Variants in SUPT3H observed in about 807,000 individuals in gnomAD.
SUPT3H encodes the protein SPT3 homolog, SAGA and STAGA complex component, also known as transcription initiation protein SPT3 homolog.
In SUPT3H, 44 loss-of-function variants were observed where a neutral mutation model predicts 44.3. The observed-to-expected ratio is 0.99, with a 90% CI of 0.78 to 1.28. The LOEUF (loss-of-function observed/expected upper bound fraction) is 1.28. SUPT3H is among the 50% of genes most tolerant of loss of function. The pLI is 0.00. For missense variants in SUPT3H, 380 were observed against 387.1 expected (o/e 0.98, Z 0.15); for synonymous variants, 124 against 125.6 (o/e 0.99, Z 0.09).
rs138876338 is a variant in SUPT3H, at chr6:45,225,976, A to C, written c.102-119970T>G. The stretch of plus-strand genomic sequence containing the variant: ...TGACAAAGAGGGCATAAATTTGTTA[A>C]GGAGAAAAAAAATTAACCTAAACAC... On this transcript the variant is annotated intron_variant, in intron 2 of 10. Coordinates refer to ENST00000371459, the MANE Select transcript of SUPT3H (RefSeq NM_003599.4). Among the ~76,000 whole-genome samples the C allele has an allele frequency of 5.6e-3, 848 of 152,316 alleles. 5 individuals carry two copies. The highest frequency in any genetic ancestry group is 8.5e-3 in the Non-Finnish European group (577 of 68,024).
intron 2 of SUPT3H, among the ~76,000 whole-genome samples, chr6:45,179,550 C>T (rs903531732): frequency 2.6e-5 from 4 of 152,154 alleles, no homozygotes; most frequent in Admixed American, 6.5e-5. Flanking sequence ...GGGCTTCATC[C>T]CTGGGATGCA....
chr6:45,035,676 A>G (rs1481201687), intron 3 of SUPT3H, among the ~76,000 whole-genome samples: 1 of 152,040 alleles, frequency 6.6e-6, no homozygotes, highest in African/African-American at 2.4e-5. Context: ...ATTATCCAAA[A>G]CCGTATTTAT....
At position 45,127,589 on chromosome 6, in the gene SUPT3H, A is replaced by C. The variant is rs554122741; in HGVS notation, c.102-21583T>G. On this transcript the variant is annotated intron_variant, in intron 2 of 10. Transcript: ENST00000371459. ...AAATCCAGAGTTAGCATTCTCAAAC[A>C]CACACTCATAATTTATGTTTTTTTC... Among the ~76,000 whole-genome samples, 234 of 152,242 alleles carry C rather than the reference A, an allele frequency of 1.5e-3. 3 individuals are homozygous for C. The highest frequency in any genetic ancestry group is 5.5e-3 in the African/African-American group (228 of 41,554).
intron 2 of SUPT3H, among the ~76,000 whole-genome samples, chr6:45,352,400 T>C (rs1334396362): frequency 1.3e-5 from 2 of 152,008 alleles, no homozygotes; most frequent in East Asian, 3.8e-4. Flanking sequence ...TAGATACAAA[T>C]CTAATAAATT....
intron 2 of SUPT3H, among the ~76,000 whole-genome samples, chr6:45,217,267 G>A (rs1385765499): frequency 6.6e-6 from 1 of 151,676 alleles, no homozygotes; most frequent in Admixed American, 6.6e-5. Flanking sequence ...ACAAGGTCAG[G>A]AGTCCAAGAC....
intron 2 of SUPT3H, among the ~76,000 whole-genome samples, chr6:45,195,011 T>G (rs964338074): frequency 6.6e-6 from 1 of 152,164 alleles, no homozygotes; most frequent in Non-Finnish European, 1.5e-5. Flanking sequence ...AATCTGTGAA[T>G]CTAATTCTTG....
intron 6 of SUPT3H, among the ~76,000 whole-genome samples, chr6:44,968,503 CT>C (rs1777098663): frequency 6.6e-6 from 1 of 152,064 alleles, no homozygotes; most frequent in African/African-American, 2.4e-5. Context: ...AGTGCTCATT[CT>C]GCTTGCTGGG....
intron 2 of SUPT3H, among the ~76,000 whole-genome samples, chr6:45,218,230 G>C (rs947311196): frequency 6.6e-6 from 1 of 152,070 alleles, no homozygotes; most frequent in Non-Finnish European, 1.5e-5. Context: ...GTGAATTTCA[G>C]AGCAAAGAAA....
chr6:45,141,621 G>T (rs1003873696), intron 2 of SUPT3H, among the ~76,000 whole-genome samples: 5 of 146,104 alleles, frequency 3.4e-5, no homozygotes, highest in African/African-American at 1.0e-4. Context: ...AGAGCATGAA[G>T]ACAAGGCTTT....
chr6:45,345,397 C>T (rs1353017619), intron 2 of SUPT3H, among the ~76,000 whole-genome samples: 1 of 152,086 alleles, frequency 6.6e-6, no homozygotes, highest in Non-Finnish European at 1.5e-5. Flanking sequence ...TATCTCTATT[C>T]CTTTCAGGCT....
At chr6:45,336,599 A>C (rs1436233040) in intron 2 of SUPT3H, among the ~76,000 whole-genome samples, 1 of 151,482 alleles carries the variant, frequency 6.6e-6, no homozygotes, top group Non-Finnish European at 1.5e-5. Context: ...TAAATGGTTA[A>C]ACCACTCTAT....
chr6:45,006,619 T>A (rs1303884683), intron 5 of SUPT3H, among the ~76,000 whole-genome samples: 1 of 152,104 alleles, frequency 6.6e-6, no homozygotes. Context: ...ATTTTCCCAA[T>A]CAAGTAACTT....
intron 2 of SUPT3H, among the ~76,000 whole-genome samples, chr6:45,124,792 T>C (rs1396479711): frequency 6.6e-6 from 1 of 152,092 alleles, no homozygotes; most frequent in African/African-American, 2.4e-5. Flanking sequence ...TCCTAACCCC[T>C]AGTACCTCAG....
At chr6:45,019,149 T>C (rs2153516818) in intron 4 of SUPT3H, among the ~76,000 whole-genome samples, 1 of 152,290 alleles carries the variant, frequency 6.6e-6, no homozygotes, top group South Asian at 2.1e-4. Flanking sequence ...GTGTTTGTAG[T>C]ATTCTCTGAT....
intron 2 of SUPT3H, among the ~76,000 whole-genome samples, chr6:45,351,309 C>G (rs1232513481): frequency 6.6e-6 from 1 of 152,042 alleles, no homozygotes; most frequent in Admixed American, 6.5e-5. Flanking sequence ...CCATCAAGAT[C>G]ACAACTTCCT....
chr6:45,125,330 A>G (rs1802274826), intron 2 of SUPT3H, among the ~76,000 whole-genome samples: 1 of 152,220 alleles, frequency 6.6e-6, no homozygotes, highest in Admixed American at 6.5e-5. Context: ...TCATGTTAAA[A>G]TTAAATTGAC....
At chr6:45,071,094 T>TAA (rs1422700336) in intron 3 of SUPT3H, among the ~76,000 whole-genome samples, 1 of 152,170 alleles carries the variant, frequency 6.6e-6, no homozygotes, top group African/African-American at 2.4e-5. Context: ...TTGGAGAATG[T>TAA]AAAATGAAGA....
At chr6:45,162,299 G>C (rs1809130428) in intron 2 of SUPT3H, among the ~76,000 whole-genome samples, 1 of 152,060 alleles carries the variant, frequency 6.6e-6, no homozygotes, top group Non-Finnish European at 1.5e-5. Flanking sequence ...AAGGCAGGGA[G>C]GATTGCTTGA....
chr6:45,246,802 A>G (rs964924583), intron 2 of SUPT3H, among the ~76,000 whole-genome samples: 1 of 152,166 alleles, frequency 6.6e-6, no homozygotes, highest in African/African-American at 2.4e-5. Flanking sequence ...TGTAAATACA[A>G]CATATCAAAA....
Sources: allele counts gnomAD v4.1 joint callset (sites outside exome capture counted in the v4.1 genomes callset), GRCh38; gene constraint gnomAD v4.1.1; transcripts MANE v1.5; gene names NCBI Gene and HGNC (gene_info 2026-07-23, HGNC 2026-07-21).